The following FLYWCH1 variants were observed in gnomAD, a reference collection of about 807,000 sequenced individuals.
The protein encoded by FLYWCH1 is FLYWCH-type zinc finger-containing protein 1.
Under a neutral mutation model 66.4 loss-of-function variants are expected in FLYWCH1, and 75 were observed. That is an observed-to-expected ratio of 1.13 (90% confidence interval 0.94 to 1.37). The LOEUF (loss-of-function observed/expected upper bound fraction) is 1.37. Ranked by LOEUF, FLYWCH1 falls within the 40% of genes most tolerant of loss-of-function variation. The probability of loss-of-function intolerance (pLI) is 0.00; values close to 1 mark genes in which losing one functional copy is unlikely to be tolerated. For synonymous variants in FLYWCH1, 595 were observed against 429.9 expected, an observed-to-expected ratio of 1.38 and a Z score of -4.75; for missense variants, 1,334 against 1,001.8, an observed-to-expected ratio of 1.33 and a Z score of -4.48.
chr16:2,941,007 T>A (rs1486191249), intron 9 of FLYWCH1, among the ~76,000 whole-genome samples: 2 of 152,188 alleles, frequency 1.3e-5, no homozygotes, highest in African/African-American at 4.8e-5. Flanking sequence ...GGTACATGCA[T>A]GTAATCCAAG....
At chr16:2,925,744 G>A (rs918120957) in intron 2 of FLYWCH1, among the ~76,000 whole-genome samples, 12 of 152,298 alleles carry the variant, frequency 7.9e-5, no homozygotes, top group Admixed American at 1.3e-4. Flanking sequence ...CTGGGCCGGG[G>A]CTGGGGGAGG....
rs2070702072 is a variant in FLYWCH1 at position 2,929,906 on chromosome 16, C to T, written c.221C>T (p.Ala74Val). 4 of 1,613,608 alleles carry T rather than the reference C, an allele frequency of 2.5e-6. No individual in the cohort carries two copies. The highest frequency in any genetic ancestry group is 3.4e-6 in the Non-Finnish European group (4 of 1,179,878). Residue 74 changes from alanine to valine, a missense_variant, in exon 3 of 10, where the codon GCC becomes GTC. Transcript: ENST00000253928. ...CVLSLEMAGP[A>V]TLASTLQILP... ...CTGTCCCTGGAGATGGCTGGCCCCG[C>T]CACCCTCGCCAGCACCTTGCAGATC...
Position 2,929,812 on chromosome 16 carries a change from G to C in FLYWCH1, c.127G>C (p.Val43Leu), listed in dbSNP as rs575622306. 6.6e-4 allele frequency: 1,069 copies of C among 1,613,962 alleles called. 20 individuals are homozygous for C. In the South Asian group the frequency reaches 0.011, roughly 17 times the overall value. The stretch of plus-strand genomic sequence containing the variant: ...GAAGCCCAGGGAGTTCTCCAAACTG[G>C]TGCTGCTCACAGCCTCCGACCAAGA... Reference protein sequence around the residue: ...PRKPREFSKLVLLTASDQDED... With the variant: ...PRKPREFSKLLLLTASDQDED... Residue 43 changes from valine (V) to leucine (L), a missense_variant, in exon 3 of 10, where the codon GTG becomes CTG. Physicochemically the swap from Val to Leu is conservative, Grantham distance 32. Transcript: ENST00000253928.
At chr16:2,941,089 A>G (rs1166797316) in intron 9 of FLYWCH1, among the ~76,000 whole-genome samples, 1 of 152,156 alleles carries the variant, frequency 6.6e-6, no homozygotes, top group Non-Finnish European at 1.5e-5. Context: ...ACAAACAAAA[A>G]CCAAATCAAA....
chr16:2,919,952 T>C (rs562914061), intron 2 of FLYWCH1, among the ~76,000 whole-genome samples: 22 of 152,174 alleles, frequency 1.4e-4, no homozygotes, highest in African/African-American at 5.1e-4. Context: ...CCAGGTGGCC[T>C]CTGGTGGGGG....
chr16:2,913,076 C>T (rs2070046751), intron 1 of FLYWCH1: 1 of 152,192 alleles, frequency 6.6e-6, no homozygotes, highest in Admixed American at 6.6e-5. Flanking sequence ...TTATGACGCC[C>T]AGCTGATGAT....
rs1451315993 is a variant in FLYWCH1, at chr16:2,933,171, G to C, written c.838G>C (p.Gly280Arg). ...PLEFLRTCYG[G>R]SFLVHESFLY... is the part of the protein sequence containing the mutation. ...CGAGTTCCTGAGGACGTGCTACGGGGGCAGCTTCCTGGTACACGAGTCGTT... is the reference window on the plus strand; with the variant it reads ...CGAGTTCCTGAGGACGTGCTACGGGCGCAGCTTCCTGGTACACGAGTCGTT... Residue 280 changes from glycine to arginine, a missense_variant, in exon 5 of 10, where the codon GGC becomes CGC. Transcript: ENST00000253928. The C allele has an allele frequency of 1.2e-6, 2 of 1,613,636 alleles. No individual in the cohort carries two copies. The highest frequency in any genetic ancestry group is 1.7e-6 in the Non-Finnish European group (2 of 1,179,838).
intron 4 of FLYWCH1, among the ~76,000 whole-genome samples, chr16:2,932,063 G>C (rs1333153813): frequency 6.8e-6 from 1 of 146,452 alleles, no homozygotes; most frequent in Non-Finnish European, 1.5e-5. Flanking sequence ...GCTTGCCGTG[G>C]GCCAAGATCG....
intron 2 of FLYWCH1, among the ~76,000 whole-genome samples, chr16:2,924,995 C>T (rs541354147): frequency 6.6e-6 from 1 of 152,348 alleles, no homozygotes; most frequent in Non-Finnish European, 1.5e-5. Context: ...CTTGTCAGGC[C>T]AAGCTTGACG....
At chr16:2,938,543 C>T in intron 8 of FLYWCH1, 87 bp downstream of exon 8, 1 of 1,262,214 alleles carries the variant, frequency 7.9e-7, no homozygotes, top group Non-Finnish European at 1.1e-6. Context: ...CAGGCACCCA[C>T]TGAGCAGACT....
Position 2,930,646 on chromosome 16 carries a change from G to A in FLYWCH1, c.562G>A (p.Glu188Lys). Residue 188 changes from glutamate (E) to lysine (K), a missense_variant, in exon 4 of 10, where the codon GAG becomes AAG. By Grantham distance (56) the Glu-to-Lys change is moderately conservative. Coordinates refer to ENST00000253928, the MANE Select transcript of FLYWCH1 (RefSeq NM_001308068.2). ...AGGCCTGGAGGCCCGGCGCCAGAGG[G>A]AGAAACTGCCCAGCCTGGCCCTGCC... ...EQGLEARRQR[E>K]KLPSLALPEG... is the part of the protein sequence containing the mutation. 1 of 1,547,510 alleles carries A rather than the reference G, an allele frequency of 6.5e-7. No individual in the cohort carries two copies. Among genetic ancestry groups the A allele is most frequent in the Non-Finnish European group, 8.7e-7 (1 of 1,147,288 alleles).
chr16:2,937,461 C>G (rs1015366313), intron 7 of FLYWCH1, 77 bp downstream of exon 7: 6 of 1,438,682 alleles, frequency 4.2e-6, no homozygotes, highest in Non-Finnish European at 5.5e-6. Context: ...GGAGGCTGCC[C>G]GTGGGGTGTT....
chr16:2,942,676 G>A (rs1452856667), intron 9 of FLYWCH1, among the ~76,000 whole-genome samples: 2 of 48,194 alleles, frequency 4.1e-5, no homozygotes, highest in Non-Finnish European at 7.7e-5. Flanking sequence ...GCTGCCCTAA[G>A]AACAGCCTGT....
At chr16:2,923,170 C>G (rs11649122) in intron 2 of FLYWCH1, 4,140 of 366,348 alleles carry the variant, frequency 0.011, 38 homozygotes, top group Non-Finnish European at 0.017. Context: ...CCTTTAAAGC[C>G]TTTGCTTTGG....
chr16:2,946,412 C>G (rs1330409371), intron 9 of FLYWCH1, among the ~76,000 whole-genome samples: 1 of 144,634 alleles, frequency 6.9e-6, no homozygotes, highest in Admixed American at 7.0e-5. Flanking sequence ...ACCTCCGCCT[C>G]CCAGGTTCAA....
At chr16:2,936,288 C>G (rs9921808) in intron 6 of FLYWCH1, 115,597 of 403,214 alleles carry the variant, frequency 0.29, 20,520 homozygotes, top group African/African-American at 0.58. Context: ...CGTGGCCTGG[C>G]GTCCCCACCT....
At chr16:2,934,362 G>T (rs1406135131) in intron 6 of FLYWCH1, among the ~76,000 whole-genome samples, 1 of 152,216 alleles carries the variant, frequency 6.6e-6, no homozygotes, top group Non-Finnish European at 1.5e-5. Context: ...TAAGGATTGA[G>T]GAGGTGATAT....
chr16:2,943,027 G>T (rs2071337378), intron 9 of FLYWCH1, among the ~76,000 whole-genome samples: 1 of 152,078 alleles, frequency 6.6e-6, no homozygotes, highest in South Asian at 2.1e-4. Context: ...GACTGGTAAA[G>T]AGCTCCTATG....
intron 8 of FLYWCH1, among the ~76,000 whole-genome samples, chr16:2,938,820 G>GCCAGGATGGTCTTGATC (rs1281318981): frequency 6.6e-6 from 1 of 151,470 alleles, no homozygotes; most frequent in African/African-American, 2.4e-5. Context: ...CACCATGTTA[G>GCCAGGATGGTCTTGATC]CCAGGATGGT....
Sources: allele counts gnomAD v4.1 joint callset (sites outside exome capture counted in the v4.1 genomes callset), GRCh38; gene constraint gnomAD v4.1.1; transcripts MANE v1.5; gene names NCBI Gene and HGNC (gene_info 2026-07-23, HGNC 2026-07-21).